The following POLN variants were observed in gnomAD, a reference collection of about 807,000 sequenced individuals.
POLN encodes the protein DNA polymerase nu.
In POLN, 108 loss-of-function variants were observed where a neutral mutation model predicts 113.5. The ratio of observed to expected loss-of-function variants is 0.95; its 90% CI spans 0.81 to 1.12. The LOEUF (loss-of-function observed/expected upper bound fraction) is 1.12, where lower values mean the gene tolerates loss of function less well. Among genes scored for constraint, POLN ranks in the 50% most tolerant of loss-of-function variants. The pLI is 0.00. For synonymous variants in POLN, 386 were observed against 391.5 expected (o/e 0.99, Z 0.17); for missense variants, 1,097 against 1,077.1 (o/e 1.02, Z -0.26).
At chr4:2,151,087 C>T (rs957856491) in intron 16 of POLN, among the ~76,000 whole-genome samples, 3 of 152,114 alleles carry the variant, frequency 2.0e-5, no homozygotes, top group Non-Finnish European at 4.4e-5. Flanking sequence ...GGACTTGTAT[C>T]TAGAATATAT....
intron 3 of POLN, among the ~76,000 whole-genome samples, chr4:2,216,436 G>A (rs1044928572): frequency 2.0e-5 from 3 of 152,200 alleles, no homozygotes; most frequent in Non-Finnish European, 4.4e-5. Flanking sequence ...AGTGCAGACT[G>A]CACCCTGGAG....
intron 19 of POLN, among the ~76,000 whole-genome samples, chr4:2,107,702 G>A (rs1160852710): frequency 1.3e-5 from 2 of 152,198 alleles, no homozygotes. Flanking sequence ...GAGAGGAAGA[G>A]GGGAGGCAGG....
intron 10 of POLN, 46 bp from the exon 11 acceptor site, chr4:2,174,065 C>A (rs2022342): frequency 2.8e-5 from 45 of 1,582,952 alleles, no homozygotes; most frequent in East Asian, 9.0e-5. Context: ...TTAATGTATT[C>A]TTTTTACTAA....
intron 19 of POLN, among the ~76,000 whole-genome samples, chr4:2,118,795 T>C (rs1473699877): frequency 6.6e-6 from 1 of 152,192 alleles, no homozygotes; most frequent in African/African-American, 2.4e-5. Context: ...GCAAGAATGG[T>C]TTATTTCTCA....
intron 7 of POLN, among the ~76,000 whole-genome samples, chr4:2,180,868 T>G (rs1002891141): frequency 1.3e-5 from 2 of 151,928 alleles, no homozygotes; most frequent in African/African-American, 4.8e-5. Flanking sequence ...AAAGAAATGC[T>G]AACAAAATAA....
At chr4:2,128,066 T>C in intron 19 of POLN, 47 bp downstream of exon 19, 1 of 1,223,602 alleles carries the variant, frequency 8.2e-7, no homozygotes, top group Non-Finnish European at 1.2e-6. Flanking sequence ...TAAACTCATG[T>C]TGGCCTTCCT....
At chr4:2,088,685 A>G in intron 20 of POLN, 1 of 868,450 alleles carries the variant, frequency 1.2e-6, no homozygotes. Flanking sequence ...AAAGCTGTAC[A>G]ACAGCCATCA....
chr4:2,122,315 C>T (rs1309476754), intron 19 of POLN, among the ~76,000 whole-genome samples: 1 of 152,070 alleles, frequency 6.6e-6, no homozygotes, highest in Admixed American at 6.6e-5. Context: ...TTTAAAAATT[C>T]TATATTGTCT....
At chr4:2,206,547 G>C (rs1257124077) in intron 5 of POLN, among the ~76,000 whole-genome samples, 1 of 151,988 alleles carries the variant, frequency 6.6e-6, no homozygotes, top group Non-Finnish European at 1.5e-5. Flanking sequence ...AAACAAATTA[G>C]CAAGAAAAAA....
At chr4:2,079,392 G>A (rs1018085904) in intron 23 of POLN, 2 of 972,250 alleles carry the variant, frequency 2.1e-6, no homozygotes, top group African/African-American at 1.8e-5. Flanking sequence ...TGGATTTCAG[G>A]ACACCATGAG....
chr4:2,120,165 A>C (rs1002045794), intron 19 of POLN, among the ~76,000 whole-genome samples: 1 of 152,174 alleles, frequency 6.6e-6, no homozygotes, highest in Non-Finnish European at 1.5e-5. Flanking sequence ...ATATATATAA[A>C]GTTTTAATAT....
At chr4:2,122,120 C>T (rs1233483800) in intron 19 of POLN, among the ~76,000 whole-genome samples, 1 of 152,044 alleles carries the variant, frequency 6.6e-6, no homozygotes, top group South Asian at 2.1e-4. Context: ...TGCCTTGAAT[C>T]GCAGAGATCC....
At chr4:2,072,824 C>T in intron 25 of POLN, 144 bp downstream of exon 25, 1 of 834,928 alleles carries the variant, frequency 1.2e-6, no homozygotes. Flanking sequence ...CAGGGACGGT[C>T]CAGCCTCCAC....
chr4:2,095,965 C>T lies in POLN; in HGVS notation c.1983-32G>A. The T allele has an allele frequency of 1.9e-6, 3 of 1,589,346 alleles. No individual in the cohort carries two copies. In the South Asian group the frequency reaches 3.3e-5, roughly 18 times the overall value. On this transcript the variant is annotated intron_variant, in intron 19 of 25. Coordinates refer to ENST00000511885, the MANE Select transcript of POLN (RefSeq NM_181808.4). Reference sequence around the variant, plus strand: ...GGAGAGACCATGTGTGAAGTTCAGGCACAGAAGGCACTGTCAGTGCAGGGC... The same window carrying T: ...GGAGAGACCATGTGTGAAGTTCAGGTACAGAAGGCACTGTCAGTGCAGGGC...
chr4:2,072,372 G>C, intron 25 of POLN, 73 bp from the exon 26 acceptor site: 1 of 1,312,792 alleles, frequency 7.6e-7, no homozygotes, highest in East Asian at 2.5e-5. Flanking sequence ...ACCCCAAGCA[G>C]GGGGACAGGG....
intron 3 of POLN, among the ~76,000 whole-genome samples, chr4:2,213,661 C>A (rs915948748): frequency 6.6e-6 from 1 of 152,056 alleles, no homozygotes; most frequent in Non-Finnish European, 1.5e-5. Flanking sequence ...TCTGCAGGAA[C>A]AATAACAACC....
intron 3 of POLN, 64 bp from the exon 4 acceptor site, chr4:2,213,190 G>T: frequency 1.0e-6 from 1 of 990,430 alleles, no homozygotes. Flanking sequence ...AAGTCACACA[G>T]TTAACTAAAC....
chr4:2,181,870 G>A (rs1005180984), intron 7 of POLN, among the ~76,000 whole-genome samples: 1 of 152,008 alleles, frequency 6.6e-6, no homozygotes, highest in African/African-American at 2.4e-5. Context: ...TGTGGTGGTG[G>A]GCACCTGCAG....
At chr4:2,167,488 G>A (rs1214851823) in intron 13 of POLN, among the ~76,000 whole-genome samples, 3 of 152,210 alleles carry the variant, frequency 2.0e-5, no homozygotes, top group Non-Finnish European at 2.9e-5. Flanking sequence ...AAACTACACT[G>A]CACAGGTACA....
Sources: gnomAD v4.1 joint callset for allele counts (sites outside exome capture counted in the v4.1 genomes callset) on GRCh38, gnomAD v4.1.1 for gene constraint, MANE v1.5 for transcripts, NCBI Gene and HGNC (gene_info 2026-07-23, HGNC 2026-07-21) for gene names.